The following CADM1 variants were observed in gnomAD, a reference collection of about 807,000 sequenced individuals.
The protein encoded by CADM1 is TSLC-1.
Under a neutral mutation model 53.1 loss-of-function variants are expected in CADM1, and 15 were observed. The observed-to-expected ratio is 0.28, with a 90% CI of 0.19 to 0.44. The LOEUF (loss-of-function observed/expected upper bound fraction) is 0.44. Ranked by LOEUF, CADM1 falls within the 20% of genes least tolerant of loss-of-function variation. The pLI is 1.00. For missense variants in CADM1, 434 were observed against 611.3 expected (o/e 0.71, Z 3.06); for synonymous variants, 281 against 243.0 (o/e 1.16, Z -1.45).
chr11:115,236,533 C>G (rs1450896435), intron 3 of CADM1, among the ~76,000 whole-genome samples: 1 of 152,120 alleles, frequency 6.6e-6, no homozygotes, highest in Non-Finnish European at 1.5e-5. Flanking sequence ...CTAGAATAAT[C>G]AGACCTCCAA....
intron 1 of CADM1, among the ~76,000 whole-genome samples, chr11:115,416,499 C>CA (rs1413923218): frequency 6.6e-6 from 1 of 152,018 alleles, no homozygotes; most frequent in Non-Finnish European, 1.5e-5. Context: ...TTAAGCAGCA[C>CA]AGACAGAACA....
chr11:115,285,272 A>G (rs1591671573), intron 1 of CADM1, among the ~76,000 whole-genome samples: 1 of 152,244 alleles, frequency 6.6e-6, no homozygotes, highest in South Asian at 2.1e-4. Flanking sequence ...ACAATTGTGA[A>G]CACAATTTAT....
chr11:115,498,087 T>C (rs1013747788), intron 1 of CADM1, among the ~76,000 whole-genome samples: 3 of 152,012 alleles, frequency 2.0e-5, no homozygotes, highest in Non-Finnish European at 4.4e-5. Flanking sequence ...CATTTCTAGC[T>C]GAAGTTAAAA....
chr11:115,381,526 T>C (rs561479111), intron 1 of CADM1, among the ~76,000 whole-genome samples: 11 of 152,148 alleles, frequency 7.2e-5, no homozygotes, highest in Non-Finnish European at 1.5e-4. Flanking sequence ...CCTAGGTTCA[T>C]AGCTCAGCTC....
chr11:115,209,437 C>G, intron 8 of CADM1, 137 bp downstream of exon 8: 1 of 1,264,632 alleles, frequency 7.9e-7, no homozygotes, highest in South Asian at 1.4e-5. Flanking sequence ...AACATAGTAT[C>G]TAATGTCGTT....
Position 115,250,740 on chromosome 11 carries a change from T to C in CADM1, c.125-10320A>G, listed in dbSNP as rs12278427. 5.1e-3 allele frequency among the ~76,000 whole-genome samples: 780 copies of C among 152,296 alleles called. 7 individuals carry two copies. Among genetic ancestry groups the C allele is most frequent in the African/African-American group, 0.018 (750 of 41,560 alleles). On this transcript the variant is annotated intron_variant, in intron 1 of 11. Transcript: ENST00000331581. The stretch of plus-strand genomic sequence containing the variant: ...CTTTTTTTTCCCTTTCTTCACATTA[T>C]CTAATTTAAACCTCACAACAATCTT...
intron 1 of CADM1, among the ~76,000 whole-genome samples, chr11:115,382,174 A>G (rs1246355173): frequency 4.6e-5 from 7 of 152,316 alleles, no homozygotes; most frequent in Non-Finnish European, 1.5e-5. Context: ...AAATATTAAT[A>G]TGTATTAAAA....
At position 115,261,080 on chromosome 11, in the gene CADM1, GACTT is replaced by G. The variant is rs567934848; in HGVS notation, c.125-20664_125-20661del. On this transcript the variant is annotated intron_variant, in intron 1 of 11. Coordinates refer to ENST00000331581, the MANE Select transcript of CADM1 (RefSeq NM_001301043.2). ...AGGCCAAGTGCTTCTCAATGCCTGA[GACTT>G]ACAAGCTGTAAGAGAGCCTACCATG... Among the ~76,000 whole-genome samples, 376 of 152,164 alleles carry G rather than the reference GACTT, an allele frequency of 2.5e-3. 9 individuals are homozygous for G. The highest frequency in any genetic ancestry group is 7.8e-4 in the Non-Finnish European group (53 of 68,012).
intron 3 of CADM1, among the ~76,000 whole-genome samples, chr11:115,233,205 A>C (rs975600143): frequency 6.6e-6 from 1 of 152,210 alleles, no homozygotes; most frequent in Non-Finnish European, 1.5e-5. Flanking sequence ...TCCCGTGTAC[A>C]AGGAAAACAA....
chr11:115,460,728 G>A (rs1948776605), intron 1 of CADM1, among the ~76,000 whole-genome samples: 1 of 151,316 alleles, frequency 6.6e-6, no homozygotes, highest in African/African-American at 2.4e-5. Flanking sequence ...CATGATTCTG[G>A]CCTGGGTCAC....
intron 1 of CADM1, among the ~76,000 whole-genome samples, chr11:115,481,349 C>T (rs893255807): frequency 6.6e-6 from 1 of 152,198 alleles, no homozygotes; most frequent in Non-Finnish European, 1.5e-5. Context: ...GTGGCTCACT[C>T]ACCTTCTTAG....
At chr11:115,389,854 T>G (rs1332413890) in intron 1 of CADM1, among the ~76,000 whole-genome samples, 1 of 152,064 alleles carries the variant, frequency 6.6e-6, no homozygotes, top group Non-Finnish European at 1.5e-5. Context: ...ATTATAGAAG[T>G]TAGTAGGAAT....
intron 1 of CADM1, among the ~76,000 whole-genome samples, chr11:115,254,033 G>A (rs1942693629): frequency 6.6e-6 from 1 of 152,156 alleles, no homozygotes. Flanking sequence ...TTATCTTGAG[G>A]TGCAAATGAG....
chr11:115,439,217 C>T (rs773926346), intron 1 of CADM1, among the ~76,000 whole-genome samples: 1 of 152,018 alleles, frequency 6.6e-6, no homozygotes, highest in African/African-American at 2.4e-5. Context: ...AGAAAACTGG[C>T]CCAAAATGTA....
intron 1 of CADM1, among the ~76,000 whole-genome samples, chr11:115,488,789 A>T (rs999098445): frequency 6.6e-6 from 1 of 152,234 alleles, no homozygotes; most frequent in African/African-American, 2.4e-5. Context: ...TAGTGGAAGC[A>T]TCGCCACAAA....
chr11:115,282,862 C>T (rs760078522), intron 1 of CADM1, among the ~76,000 whole-genome samples: 14 of 151,984 alleles, frequency 9.2e-5, no homozygotes, highest in South Asian at 2.1e-4. Flanking sequence ...AAAATGGAAA[C>T]GAAAGCTAAG....
At chr11:115,486,096 G>A (rs1949367644) in intron 1 of CADM1, among the ~76,000 whole-genome samples, 1 of 152,014 alleles carries the variant, frequency 6.6e-6, no homozygotes, top group South Asian at 2.1e-4. Flanking sequence ...GCCATCAATG[G>A]AGGCTCCATT....
chr11:115,249,477 A>G (rs900782573), intron 1 of CADM1, among the ~76,000 whole-genome samples: 1 of 152,242 alleles, frequency 6.6e-6, no homozygotes, highest in Non-Finnish European at 1.5e-5. Context: ...AGTCTGGGAT[A>G]ATAGGAAGCG....
rs1351590900 is a variant in CADM1 at position 115,270,073 on chromosome 11, T to C, written c.125-29653A>G. 3.3e-5 allele frequency among the ~76,000 whole-genome samples: 5 copies of C among 152,164 alleles called. 1 individual carries two copies. The highest frequency in any genetic ancestry group is 4.1e-4 in the South Asian group (2 of 4,822). The stretch of plus-strand genomic sequence containing the variant: ...CACTATTTCCTTCTCTTCAAATACA[T>C]CCCAAAAGGGACATGCATTTAAGTA... On this transcript the variant is annotated intron_variant, in intron 1 of 11. Coordinates refer to ENST00000331581, the MANE Select transcript of CADM1 (RefSeq NM_001301043.2).
Sources: gnomAD v4.1 joint callset for allele counts (sites outside exome capture counted in the v4.1 genomes callset) on GRCh38, gnomAD v4.1.1 for gene constraint, MANE v1.5 for transcripts, NCBI Gene and HGNC (gene_info 2026-07-23, HGNC 2026-07-21) for gene names.